The following MAP1B variants were observed in gnomAD, a reference collection of about 807,000 sequenced individuals.
The protein encoded by MAP1B is microtubule-associated protein 1B.
In MAP1B, 12 loss-of-function variants were observed where a neutral mutation model predicts 176.1. That is an observed-to-expected ratio of 0.07 (90% CI 0.04 to 0.11). The LOEUF is 0.11. Among genes scored for constraint, MAP1B ranks in the 10% least tolerant of loss-of-function variants. The probability of loss-of-function intolerance (pLI) is 1.00; values close to 1 mark genes in which losing one functional copy is unlikely to be tolerated. For synonymous variants in MAP1B, 1,044 were observed against 1,135.0 expected (o/e 0.92, Z 1.61); for missense variants, 2,523 against 2,990.5 (o/e 0.84, Z 3.65).
chr5:72,162,259 G>A (rs1468328616), intron 2 of MAP1B, among the ~76,000 whole-genome samples: 1 of 152,060 alleles, frequency 6.6e-6, no homozygotes, highest in African/African-American at 2.4e-5. Flanking sequence ...CCAAAATAAT[G>A]GCAGAAATAT....
At chr5:72,171,551 C>T (rs1746542829) in intron 2 of MAP1B, among the ~76,000 whole-genome samples, 2 of 152,160 alleles carry the variant, frequency 1.3e-5, no homozygotes, top group Admixed American at 1.3e-4. Context: ...GTTCATGCCA[C>T]TGCACTCCAG....
At chr5:72,123,645 C>T (rs1164212383) in intron 2 of MAP1B, among the ~76,000 whole-genome samples, 12 of 152,026 alleles carry the variant, frequency 7.9e-5, no homozygotes, top group South Asian at 2.1e-4. Context: ...CCACGACGCC[C>T]GGCTAATTTT....
chr5:72,167,336 A>G (rs1276516336), intron 2 of MAP1B, among the ~76,000 whole-genome samples: 1 of 152,260 alleles, frequency 6.6e-6, no homozygotes, highest in Non-Finnish European at 1.5e-5. Context: ...CTAGAAAGTT[A>G]GCAAGTTAAG....
intron 2 of MAP1B, among the ~76,000 whole-genome samples, chr5:72,119,434 C>T (rs914864799): frequency 1.3e-5 from 2 of 152,230 alleles, no homozygotes; most frequent in South Asian, 4.1e-4. Context: ...CCTTTATGAA[C>T]ACTCTCTAAT....
chr5:72,113,801 A>G (rs1013021664), intron 1 of MAP1B, among the ~76,000 whole-genome samples: 2 of 152,244 alleles, frequency 1.3e-5, no homozygotes, highest in Admixed American at 6.5e-5. Context: ...ATTTTTTTGC[A>G]CTAGACTAGT....
intron 1 of MAP1B, among the ~76,000 whole-genome samples, chr5:72,112,774 C>T (rs946247125): frequency 2.0e-5 from 3 of 152,244 alleles, no homozygotes; most frequent in Admixed American, 6.5e-5. Flanking sequence ...ATTCTGCCCC[C>T]ACCTGGGTAA....
At chr5:72,183,675 C>T in intron 2 of MAP1B, 68 bp from the exon 3 acceptor site, 1 of 1,125,430 alleles carries the variant, frequency 8.9e-7, no homozygotes, top group South Asian at 1.3e-5. Flanking sequence ...GTCCCAGGAG[C>T]AGGCAGGGCA....
chr5:72,200,081 G>A lies in MAP1B; in HGVS notation c.6726G>A (p.Lys2242=), dbSNP rs769098006. The A allele has an allele frequency of 2.5e-6, 4 of 1,614,154 alleles. No homozygotes were observed. Among genetic ancestry groups the A allele is most frequent in the South Asian group, 2.2e-5 (2 of 91,082 alleles). The change falls in exon 5 of 7, where the codon AAG becomes AAA. Residue 2242 remains lysine (K), a synonymous_variant. Transcript: ENST00000296755. ...CTCTAAAGAAAGATCTGAAAGAGAA[G>A]ACCAAAACCAAAAAGCCAGGTACAA... The part of the protein sequence containing the change: ...GKALKKDLKE[K]TKTKKPGTKT...
At chr5:72,108,294 C>T (rs1002757764) in intron 1 of MAP1B, among the ~76,000 whole-genome samples, 1 of 152,268 alleles carries the variant, frequency 6.6e-6, no homozygotes, top group Non-Finnish European at 1.5e-5. Flanking sequence ...CCCCCCGCCC[C>T]CCCCTCCCCG....
At chr5:72,167,013 C>CT (rs1357264849) in intron 2 of MAP1B, among the ~76,000 whole-genome samples, 73 of 124,372 alleles carry the variant, frequency 5.9e-4, no homozygotes, top group Middle Eastern at 4.3e-3. Context: ...TGCTATATTC[C>CT]TTCTTTTTTT....
At chr5:72,143,383 T>C (rs1745984102) in intron 2 of MAP1B, among the ~76,000 whole-genome samples, 1 of 152,186 alleles carries the variant, frequency 6.6e-6, no homozygotes, top group African/African-American at 2.4e-5. Flanking sequence ...TCCAGCCTTT[T>C]AAAAACCAAT....
intron 2 of MAP1B, among the ~76,000 whole-genome samples, chr5:72,125,055 C>G (rs1441821345): frequency 6.6e-6 from 1 of 152,220 alleles, no homozygotes; most frequent in African/African-American, 2.4e-5. Context: ...CTTTTAAAAA[C>G]CTCTCACTTG....
At position 72,196,521 on chromosome 5, in the gene MAP1B, G is replaced by A. The variant is rs576682869; in HGVS notation, c.3166G>A (p.Gly1056Ser). The change falls in exon 5 of 7, where the codon GGT becomes AGT. Residue 1056 changes from glycine to serine, a missense_variant. Physicochemically the swap from Gly to Ser is moderately conservative, Grantham distance 56. This residue lies in a region of MAP1B where 1,925 missense variants were observed against 2,126.0 expected (regional missense o/e 0.91). Transcript: ENST00000296755. The surrounding 1 kb of genome is among the most constrained non-coding windows in gnomAD (Gnocchi z 5.3). Reference sequence around the variant, plus strand: ...TGTGGTCGACAAGGCTGCAGAGGCTGGTGGTGCCGAGGAGCAGTATGGATT... The same window carrying A: ...TGTGGTCGACAAGGCTGCAGAGGCTAGTGGTGCCGAGGAGCAGTATGGATT... Reference protein sequence around the residue: ...MAVVDKAAEAGGAEEQYGFLT... With the variant: ...MAVVDKAAEASGAEEQYGFLT... 1.2e-5 allele frequency: 20 copies of A among 1,613,814 alleles called. No individual in the cohort carries two copies. The East Asian group carries it at 3.6e-4, about 29-fold the overall frequency.
At chr5:72,116,100 G>C (rs1044138480) in intron 2 of MAP1B, 1 of 333,862 alleles carries the variant, frequency 3.0e-6, no homozygotes, top group Non-Finnish European at 5.8e-6. Flanking sequence ...TCCAGGGCTT[G>C]AGAAAGAGAG....
chr5:72,203,010 C>A (rs1314418383), intron 5 of MAP1B, among the ~76,000 whole-genome samples: 2 of 152,132 alleles, frequency 1.3e-5, no homozygotes, highest in Non-Finnish European at 2.9e-5. Flanking sequence ...GATGGAGGTG[C>A]TGAGGGCCTT....
At position 72,195,891 on chromosome 5, in the gene MAP1B, G is replaced by A. The variant is rs540975979; in HGVS notation, c.2536G>A (p.Glu846Lys). 1 of 1,614,210 alleles carries A rather than the reference G, an allele frequency of 6.2e-7. No individual in the cohort carries two copies. The highest frequency in any genetic ancestry group is 1.1e-5 in the South Asian group (1 of 91,086). ...LTKDFEELKA[E>K]EVDVTKDIKP... Reference sequence around the variant, plus strand: ...CAAGGACTTTGAAGAGTTAAAGGCTGAAGAGGTCGATGTAACAAAGGACAT... The same window carrying A: ...CAAGGACTTTGAAGAGTTAAAGGCTAAAGAGGTCGATGTAACAAAGGACAT... The change falls in exon 5 of 7, where the codon GAA becomes AAA. Residue 846 changes from glutamate to lysine, a missense_variant. Around this residue, in one of 4 missense-constraint regions of MAP1B, gnomAD observed 1,925 missense variants for 2,126.0 expected, o/e 0.91. Transcript: ENST00000296755.
In MAP1B at chr5:72,198,923, G is replaced by A. The variant is rs1355719627; in HGVS notation, c.5568G>A (p.Leu1856=). 7.4e-6 allele frequency: 12 copies of A among 1,614,088 alleles called. No homozygotes were observed. Among genetic ancestry groups the A allele is most frequent in the African/African-American group, 4.0e-5 (3 of 74,918 alleles). The change falls in exon 5 of 7, where the codon CTG becomes CTA. Residue 1856 remains leucine, a synonymous_variant. Coordinates refer to ENST00000296755, the MANE Select transcript of MAP1B (RefSeq NM_005909.5). Reference sequence around the variant, plus strand: ...ATAGAGATTTGTCCACACCTGGCCTGGAGAAGGACAGTGGAGGGAAGACAC... The same window carrying A: ...ATAGAGATTTGTCCACACCTGGCCTAGAGAAGGACAGTGGAGGGAAGACAC... ...ALNRDLSTPG[L]EKDSGGKTPG... is the part of the protein sequence containing the mutation.
In MAP1B at chr5:72,195,891, G is replaced by C. The variant is rs540975979; in HGVS notation, c.2536G>C (p.Glu846Gln). ...LTKDFEELKAEEVDVTKDIKP... is the reference protein window; with the variant it reads ...LTKDFEELKAQEVDVTKDIKP... ...CAAGGACTTTGAAGAGTTAAAGGCT[G>C]AAGAGGTCGATGTAACAAAGGACAT... Residue 846 changes from glutamate (E) to glutamine (Q), a missense_variant, in exon 5 of 7, where the codon GAA (glutamate) becomes CAA (glutamine). Glu to Gln is a conservative substitution (Grantham distance 29). Around this residue, in one of 4 missense-constraint regions of MAP1B, gnomAD observed 1,925 missense variants for 2,126.0 expected, o/e 0.91. Transcript: ENST00000296755. 1 of 1,614,210 alleles carries C rather than the reference G, an allele frequency of 6.2e-7. No homozygotes were observed. Among genetic ancestry groups the C allele is most frequent in the South Asian group, 1.1e-5 (1 of 91,086 alleles).
At chr5:72,203,504 G>A (rs1747376135) in intron 5 of MAP1B, 59 bp from the exon 6 acceptor site, 6 of 1,210,462 alleles carry the variant, frequency 5.0e-6, no homozygotes, top group East Asian at 2.3e-5. Context: ...AACATGTGCT[G>A]GATGTATGGT....
Sources: allele counts gnomAD v4.1 joint callset (sites outside exome capture counted in the v4.1 genomes callset), GRCh38; gene constraint gnomAD v4.1.1; regional missense constraint gnomAD v4.1.1; non-coding constraint Gnocchi (gnomAD v3.1); transcripts MANE v1.5; gene names NCBI Gene and HGNC (gene_info 2026-07-23, HGNC 2026-07-21).